The following IPCEF1 variants were observed in gnomAD, a reference collection of about 807,000 sequenced individuals.
IPCEF1 encodes the protein interactor protein for cytohesin exchange factors 1.
IPCEF1 carries 31 observed loss-of-function variants against 50.9 expected under a neutral mutation model. The observed-to-expected ratio is 0.61, with a 90% CI of 0.46 to 0.82. The LOEUF is 0.82. Among genes scored for constraint, IPCEF1 ranks in the 40% least tolerant of loss-of-function variants. The probability of loss-of-function intolerance (pLI) is 0.00; values close to 1 mark genes in which losing one functional copy is unlikely to be tolerated. For missense variants in IPCEF1, 458 were observed against 514.0 expected (o/e 0.89, Z 1.05); for synonymous variants, 181 against 192.0 (o/e 0.94, Z 0.47).
intron 9 of IPCEF1, among the ~76,000 whole-genome samples, chr6:154,206,860 T>C (rs184018654): frequency 1.2e-3 from 185 of 152,320 alleles, no homozygotes; most frequent in Non-Finnish European, 1.3e-3. Context: ...AGGCCGTTTG[T>C]TGGGCTGACG....
At position 154,315,255 on chromosome 6, in the gene IPCEF1, A is replaced by G. The variant is rs376730801; in HGVS notation, c.-61-25499T>C. On this transcript the variant is annotated intron_variant, in intron 1 of 11. Transcript: ENST00000367220. ...AGTCCTGGGAGAACATGGACAGTGA[A>G]TATTTTTGCTCACTCATGTACCTAA... Among the ~76,000 whole-genome samples the G allele has an allele frequency of 8.5e-5, 13 of 152,328 alleles. No homozygotes were observed. The East Asian group carries it at 2.3e-3, about 27-fold the overall frequency.
intron 10 of IPCEF1, among the ~76,000 whole-genome samples, chr6:154,179,415 T>A (rs1182128310): frequency 1.3e-5 from 2 of 151,716 alleles, no homozygotes; most frequent in African/African-American, 4.8e-5. Context: ...TCTTACAAGA[T>A]CATAAAGAGC....
At chr6:154,269,487 CT>C (rs1781849989) in intron 2 of IPCEF1, among the ~76,000 whole-genome samples, 1 of 151,428 alleles carries the variant, frequency 6.6e-6, no homozygotes, top group Admixed American at 6.6e-5. Context: ...TTTTCTTTTC[CT>C]TTCTTTTTTT....
chr6:154,295,069 T>G (rs12207212), intron 1 of IPCEF1, among the ~76,000 whole-genome samples: 2,380 of 151,672 alleles, frequency 0.016, 36 homozygotes, highest in Non-Finnish European at 0.025. Flanking sequence ...GTGGTGGCGG[T>G]CCCCTGTGGT....
At chr6:154,308,635 A>G (rs1159575223) in intron 1 of IPCEF1, among the ~76,000 whole-genome samples, 1 of 152,192 alleles carries the variant, frequency 6.6e-6, no homozygotes, top group African/African-American at 2.4e-5. Flanking sequence ...ATTGAAATCA[A>G]TGGTATTGAC....
chr6:154,177,839 C>T (rs564068285), intron 10 of IPCEF1, among the ~76,000 whole-genome samples: 103 of 152,288 alleles, frequency 6.8e-4, no homozygotes, highest in African/African-American at 2.4e-3. Flanking sequence ...CACATGCACA[C>T]ATATGTTTAT....
intron 1 of IPCEF1, among the ~76,000 whole-genome samples, chr6:154,349,108 T>A (rs185858975): frequency 1.3e-3 from 198 of 152,168 alleles, no homozygotes; most frequent in African/African-American, 4.7e-3. Flanking sequence ...TGAATAATGT[T>A]AAATTAAGGT....
chr6:154,172,085 C>A (rs1423562093), intron 10 of IPCEF1, among the ~76,000 whole-genome samples: 3 of 152,124 alleles, frequency 2.0e-5, no homozygotes, highest in East Asian at 1.9e-4. Flanking sequence ...AAACAACTTA[C>A]CAATTGAGCC....
At chr6:154,170,559 T>G (rs1799791886) in intron 10 of IPCEF1, among the ~76,000 whole-genome samples, 1 of 152,212 alleles carries the variant, frequency 6.6e-6, no homozygotes, top group African/African-American at 2.4e-5. Context: ...CAGCACAACC[T>G]CCTTTTTCTC....
In IPCEF1 at chr6:154,199,999, T is replaced by A; in HGVS notation, c.579A>T (p.Gly193=). 6.2e-7 allele frequency: 1 copy of A among 1,614,148 alleles called. No individual in the cohort carries two copies. Among genetic ancestry groups the A allele is most frequent in the Non-Finnish European group, 8.5e-7 (1 of 1,180,000 alleles). The change falls in exon 10 of 12, where the codon GGA becomes GGT. Residue 193 remains glycine (G), a synonymous_variant. Coordinates refer to ENST00000367220, the MANE Select transcript of IPCEF1 (RefSeq NM_001130700.2). ...QASSSSPSLS[G]TSYSFSSLEN... is the part of the protein sequence containing the mutation. ...CCAGGGAAGAGAAAGAATACGACGT[T>A]CCACTCAGGCTGGGTGAGGATGAAG...
intron 5 of IPCEF1, among the ~76,000 whole-genome samples, chr6:154,245,678 CT>C (rs1179171109): frequency 6.6e-6 from 1 of 152,162 alleles, no homozygotes; most frequent in African/African-American, 2.4e-5. Flanking sequence ...CTCCTAAGTA[CT>C]TTTCCCTTAA....
intron 5 of IPCEF1, among the ~76,000 whole-genome samples, chr6:154,244,980 C>T (rs1780910873): frequency 1.3e-5 from 2 of 152,166 alleles, no homozygotes; most frequent in Non-Finnish European, 2.9e-5. Context: ...CTTGCCACAA[C>T]TACCCCAAAA....
chr6:154,181,266 TCTC>T (rs142267311), intron 10 of IPCEF1, among the ~76,000 whole-genome samples: 53 of 152,270 alleles, frequency 3.5e-4, no homozygotes, highest in African/African-American at 1.2e-3. Flanking sequence ...GAGAGAGAAA[TCTC>T]CTATTTTTGT....
intron 1 of IPCEF1, among the ~76,000 whole-genome samples, chr6:154,348,315 C>T: frequency 6.6e-6 from 1 of 152,190 alleles, no homozygotes; most frequent in East Asian, 1.9e-4. Context: ...ACTCTGGTAG[C>T]TGTGTTCCAG....
chr6:154,324,767 T>C (rs1321291816), intron 1 of IPCEF1, among the ~76,000 whole-genome samples: 1 of 152,066 alleles, frequency 6.6e-6, no homozygotes, highest in Non-Finnish European at 1.5e-5. Flanking sequence ...GAGATCGCGC[T>C]ACTGTACTCC....
chr6:154,254,201 A>G (rs1204347703), intron 3 of IPCEF1, among the ~76,000 whole-genome samples: 1 of 152,158 alleles, frequency 6.6e-6, no homozygotes, highest in Admixed American at 6.6e-5. Flanking sequence ...TATTTGTGAC[A>G]TTACATAATC....
chr6:154,264,684 T>G (rs928715053), intron 3 of IPCEF1, among the ~76,000 whole-genome samples: 5 of 75,402 alleles, frequency 6.6e-5, no homozygotes, highest in African/African-American at 1.5e-4. Flanking sequence ...AATACATAAC[T>G]TCTTAAGTTT....
At chr6:154,266,712 C>T (rs1303488125) in intron 2 of IPCEF1, among the ~76,000 whole-genome samples, 1 of 152,000 alleles carries the variant, frequency 6.6e-6, no homozygotes, top group African/African-American at 2.4e-5. Context: ...GCTAACTCCC[C>T]TGCCTCTGAA....
chr6:154,201,623 G>A (rs9397181), intron 9 of IPCEF1, among the ~76,000 whole-genome samples: 20,512 of 152,252 alleles, frequency 0.13, 2,340 homozygotes, highest in East Asian at 0.61. Flanking sequence ...GGCCAGGCGC[G>A]GTGGCTCATG....
Sources: gnomAD v4.1 joint callset for allele counts (sites outside exome capture counted in the v4.1 genomes callset) on GRCh38, gnomAD v4.1.1 for gene constraint, MANE v1.5 for transcripts, NCBI Gene and HGNC (gene_info 2026-07-23, HGNC 2026-07-21) for gene names.